GET4: variants seen among roughly 807,000 people sequenced by gnomAD.
The protein encoded by GET4 is Golgi to ER traffic protein 4 homolog.
In GET4, 20 loss-of-function variants were observed where a neutral mutation model predicts 40.0. The ratio of observed to expected loss-of-function variants is 0.50; its 90% CI spans 0.35 to 0.73. GET4 has a LOEUF of 0.73. Ranked by LOEUF, GET4 falls within the 30% of genes least tolerant of loss-of-function variation. The pLI, the probability that GET4 is intolerant of heterozygous loss-of-function variation, is 0.01. For missense variants in GET4, 557 were observed against 454.0 expected (o/e 1.23, Z -2.06); for synonymous variants, 280 against 194.6 (o/e 1.44, Z -3.65).
At chr7:894,723 A>G (rs931192776) in intron 8 of GET4, among the ~76,000 whole-genome samples, 1 of 152,202 alleles carries the variant, frequency 6.6e-6, no homozygotes, top group Non-Finnish European at 1.5e-5. Context: ...CGTCGTGGAT[A>G]AGAGAGGGTG....
intron 3 of GET4, 176 bp from the exon 4 acceptor site, chr7:887,194 G>A (rs1375871762): frequency 1.3e-6 from 1 of 775,514 alleles, no homozygotes; most frequent in Non-Finnish European, 2.4e-6. Flanking sequence ...GGGGCACATG[G>A]CGCTGGAACT....
chr7:891,396 T>G (rs905774035), intron 5 of GET4, among the ~76,000 whole-genome samples: 2 of 152,204 alleles, frequency 1.3e-5, no homozygotes, highest in Admixed American at 6.5e-5. Flanking sequence ...TATCTGGAAA[T>G]GCGTGGAATT....
Position 895,413 on chromosome 7 carries a change from G to A in GET4, c.975G>A (p.Glu325=). Residue 325 remains glutamate (E), a synonymous_variant, in exon 9 of 9, where the codon GAG becomes GAA. Coordinates refer to ENST00000265857, the MANE Select transcript of GET4 (RefSeq NM_015949.3). ...GCCCCAGCGACGGCAGCCCCATCGAGCTGGACTGAACTGGCCAGGCCACGT... is the reference window on the plus strand; with the variant it reads ...GCCCCAGCGACGGCAGCCCCATCGAACTGGACTGAACTGGCCAGGCCACGT... ...EESPSDGSPI[E]LD is the part of the protein sequence containing the mutation. 6.4e-7 allele frequency: 1 copy of A among 1,571,192 alleles called. No individual in the cohort carries two copies. The highest frequency in any genetic ancestry group is 8.7e-7 in the Non-Finnish European group (1 of 1,142,882).
At chr7:882,469 T>C (rs1220916142) in intron 1 of GET4, 1 of 152,374 alleles carries the variant, frequency 6.6e-6, no homozygotes, top group Non-Finnish European at 1.5e-5. Flanking sequence ...ACCTGGTTCA[T>C]CTGGTTACGC....
chr7:888,003 G>C (rs927018595), intron 4 of GET4, among the ~76,000 whole-genome samples: 1 of 152,190 alleles, frequency 6.6e-6, no homozygotes, highest in Non-Finnish European at 1.5e-5. Context: ...GTGCTGGGTA[G>C]ATATTCATTG....
At chr7:880,147 G>C (rs1031541387) in intron 1 of GET4, 1 of 152,282 alleles carries the variant, frequency 6.6e-6, no homozygotes, top group Non-Finnish European at 1.5e-5. Context: ...TTCAAGACCA[G>C]CCTGGCCAAC....
intron 4 of GET4, among the ~76,000 whole-genome samples, chr7:889,684 G>GCA (rs1844273116): frequency 1.5e-5 from 2 of 137,394 alleles, no homozygotes; most frequent in African/African-American, 5.5e-5. Context: ...GGTCTGGGGC[G>GCA]AGCGGGTGTT....
chr7:894,353 G>C (rs1186538475), intron 8 of GET4, among the ~76,000 whole-genome samples: 1 of 152,156 alleles, frequency 6.6e-6, no homozygotes, highest in African/African-American at 2.4e-5. Context: ...CGTGGCTTTG[G>C]GGTCGCGGCG....
intron 6 of GET4, among the ~76,000 whole-genome samples, chr7:892,696 GGT>G (rs1844356104): frequency 1.3e-5 from 2 of 151,496 alleles, no homozygotes; most frequent in South Asian, 4.2e-4. Flanking sequence ...TGGTAGTGTG[GGT>G]GTGTGCAGGT....
At chr7:877,605 G>A (rs1843988920) in intron 1 of GET4, among the ~76,000 whole-genome samples, 1 of 126,552 alleles carries the variant, frequency 7.9e-6, no homozygotes, top group Admixed American at 7.9e-5. Flanking sequence ...ACCTCCCCTG[G>A]ACCTCCCCCA....
At position 893,851 on chromosome 7, in the gene GET4, C is replaced by T. The variant is rs753302737; in HGVS notation, c.822+36C>T. 8 of 1,608,404 alleles carry T rather than the reference C, an allele frequency of 5.0e-6. No individual in the cohort carries two copies. The Admixed American group carries it at 8.3e-5, about 17-fold the overall frequency. On this transcript the variant is annotated intron_variant, in intron 7 of 8. Coordinates refer to ENST00000265857, the MANE Select transcript of GET4 (RefSeq NM_015949.3). The stretch of plus-strand genomic sequence containing the variant: ...GGGGCTGGGGAGGGAGGAGGGGACC[C>T]CACGGTCTGGGTCCACCCCCTCTGA...
chr7:880,725 A>C (rs1844067786), intron 1 of GET4: 1 of 152,256 alleles, frequency 6.6e-6, no homozygotes, highest in Non-Finnish European at 1.5e-5. Flanking sequence ...AGACTGAGTC[A>C]GCAGCGGCAG....
chr7:883,331 C>T (rs1178304379), intron 1 of GET4: 1 of 162,800 alleles, frequency 6.1e-6, no homozygotes, highest in East Asian at 1.9e-4. Context: ...TTCACGTGTC[C>T]CTGACAGCTG....
At chr7:886,523 G>A in intron 2 of GET4, 46 bp from the exon 3 acceptor site, 3 of 1,414,336 alleles carry the variant, frequency 2.1e-6, no homozygotes, top group Non-Finnish European at 3.0e-6. Flanking sequence ...GTCCTGAACA[G>A]GTCAGGGCTT....
intron 1 of GET4, chr7:880,860 C>T (rs970636488): frequency 6.6e-6 from 1 of 152,198 alleles, no homozygotes; most frequent in Non-Finnish European, 1.5e-5. Flanking sequence ...GTCACATTCC[C>T]CAAGTTACGC....
rs1032155966 is a variant in GET4 at position 893,990 on chromosome 7, G to A, written c.895+19G>A. On this transcript the variant is annotated intron_variant, in intron 8 of 8. Transcript: ENST00000265857. ...CTGCTCGGTAAGCCGGGGCGCCCTT[G>A]TCACACCCACTCCAGCCCTGGGTCG... The A allele has an allele frequency of 1.3e-6, 2 of 1,549,654 alleles. No homozygotes were observed. The highest frequency in any genetic ancestry group is 1.8e-6 in the Non-Finnish European group (2 of 1,140,814).
At chr7:886,977 G>A in intron 3 of GET4, 1 of 515,510 alleles carries the variant, frequency 1.9e-6, no homozygotes, top group East Asian at 3.7e-5. Flanking sequence ...GGCCTGTCCT[G>A]TCGGGTGACG....
chr7:879,204 G>GAATT (rs1844034557), intron 1 of GET4, among the ~76,000 whole-genome samples: 4 of 152,230 alleles, frequency 2.6e-5, no homozygotes, highest in Non-Finnish European at 5.9e-5. Context: ...GTTCATGTTT[G>GAATT]AATTAAACAC....
At position 893,970 on chromosome 7, in the gene GET4, C is replaced by T. The variant is rs751900171; in HGVS notation, c.894C>T (p.Leu298=). 8.1e-5 allele frequency: 129 copies of T among 1,587,454 alleles called. 1 individual carries two copies. The highest frequency in any genetic ancestry group is 3.9e-4 in the Middle Eastern group (2 of 5,150). ...PKQTSSYGGL[L]GNLLTSLMGS... ...AGACGTCTTCCTACGGGGGCCTGCT[C>T]GGTAAGCCGGGGCGCCCTTGTCACA... Residue 298 remains leucine (L), a splice_region_variant and synonymous_variant, in exon 8 of 9, where the codon CTC becomes CTT. Coordinates refer to ENST00000265857, the MANE Select transcript of GET4 (RefSeq NM_015949.3).
Sources: allele counts gnomAD v4.1 joint callset (sites outside exome capture counted in the v4.1 genomes callset), GRCh38; gene constraint gnomAD v4.1.1; transcripts MANE v1.5; gene names NCBI Gene and HGNC (gene_info 2026-07-23, HGNC 2026-07-21).